Variants in DSC1 observed in about 807,000 individuals in gnomAD.
The protein encoded by DSC1 is desmocollin-1.
A neutral mutation model predicts 98.8 loss-of-function variants in DSC1; 79 were observed. That is an observed-to-expected ratio of 0.80 (90% CI 0.67 to 0.96). The LOEUF is 0.96. DSC1 is among the 50% of genes least tolerant of loss of function. DSC1 has a pLI of 0.00. For synonymous variants in DSC1, 405 were observed against 372.1 expected, an observed-to-expected ratio of 1.09 and a Z score of -1.02; for missense variants, 1,115 against 1,075.9, an observed-to-expected ratio of 1.04 and a Z score of -0.51.
rs1489342390 is a variant in DSC1 at position 31,132,699 on chromosome 18, A to G, written c.2117-10T>C. The G allele has an allele frequency of 1.9e-6, 3 of 1,605,902 alleles. No homozygotes were observed. Among genetic ancestry groups the G allele is most frequent in the Admixed American group, 3.4e-5 (2 of 59,048 alleles). ...CATGTAAACAGAATACCTAAAAAGCAAAAAAGATCAAAGTAAAACACAGAC... is the reference window on the plus strand; with the variant it reads ...CATGTAAACAGAATACCTAAAAAGCGAAAAAGATCAAAGTAAAACACAGAC... On this transcript the variant is annotated splice_polypyrimidine_tract_variant and intron_variant, in intron 13 of 15. Transcript: ENST00000257198.
intron 3 of DSC1, 54 bp from the exon 4 acceptor site, chr18:31,156,216 T>A: frequency 6.3e-7 from 1 of 1,586,994 alleles, no homozygotes; most frequent in South Asian, 1.2e-5. Context: ...TTTTTGGAAC[T>A]GTGATTATTT....
At position 31,139,894 on chromosome 18, in the gene DSC1, AT is replaced by A. The variant is rs1311118521; in HGVS notation, c.1521-5del. The A allele has an allele frequency of 1.3e-6, 2 of 1,592,946 alleles. No individual in the cohort carries two copies. The highest frequency in any genetic ancestry group is 1.1e-5 in the South Asian group (1 of 87,352). On this transcript the variant is annotated splice_region_variant and splice_polypyrimidine_tract_variant and intron_variant, in intron 10 of 15. Coordinates refer to ENST00000257198, the MANE Select transcript of DSC1 (RefSeq NM_024421.2). ...TTCATCCCCTAACTTCTGATACCTA[AT>A]TTTTAGAAATCAAATATGAACGGTC... is the stretch of plus-strand genomic sequence containing the variant.
rs1291138646 is a variant in DSC1 at position 31,139,781 on chromosome 18, G to T, written c.1630C>A (p.Gln544Lys). The change falls in exon 11 of 16, where the codon CAA (glutamine) becomes AAA (lysine). Residue 544 changes from glutamine to lysine, a missense_variant. Coordinates refer to ENST00000257198, the MANE Select transcript of DSC1 (RefSeq NM_024421.2). ...DRESKFVKNN[Q>K]YNISVVAVDA... is the part of the protein sequence containing the mutation. The stretch of plus-strand genomic sequence containing the variant: ...ACTGCAACAACTGAAATATTGTATT[G>T]GTTGTTTTTTACAAATTTGGATTCT... The T allele has an allele frequency of 6.2e-7, 1 of 1,609,846 alleles. No homozygotes were observed. The highest frequency in any genetic ancestry group is 2.2e-5 in the East Asian group (1 of 44,786).
At chr18:31,156,925 T>C (rs1453692761) in intron 3 of DSC1, among the ~76,000 whole-genome samples, 2 of 152,198 alleles carry the variant, frequency 1.3e-5, no homozygotes, top group Non-Finnish European at 2.9e-5. Context: ...TAGAATATTC[T>C]AGTAAGATGG....
chr18:31,144,916 AC>A (rs35119210), intron 7 of DSC1, among the ~76,000 whole-genome samples: 1 of 148,648 alleles, frequency 6.7e-6, no homozygotes, highest in South Asian at 2.1e-4. Context: ...GTATATGGGA[AC>A]CGTCTGTATT....
At chr18:31,133,298 C>T (rs1170236188) in intron 13 of DSC1, among the ~76,000 whole-genome samples, 1 of 151,898 alleles carries the variant, frequency 6.6e-6, no homozygotes. Flanking sequence ...CTTAATTAAG[C>T]GTGGGCAATA....
Position 31,142,199 on chromosome 18 carries a change from C to A in DSC1, c.1075-15G>T, listed in dbSNP as rs1257269754. The A allele has an allele frequency of 6.3e-7, 1 of 1,592,288 alleles. No homozygotes were observed. The highest frequency in any genetic ancestry group is 2.3e-5 in the East Asian group (1 of 44,228). The stretch of plus-strand genomic sequence containing the variant: ...TCTGTAACATACTGAAAGAATTGCC[C>A]CTTATTATTATCAATTTACAACTTT... On this transcript the variant is annotated splice_polypyrimidine_tract_variant and intron_variant, in intron 8 of 15. Coordinates refer to ENST00000257198, the MANE Select transcript of DSC1 (RefSeq NM_024421.2).
rs964629795 is a variant in DSC1, at chr18:31,129,646, T to A, written c.*868A>T. 6 of 152,198 alleles carry A rather than the reference T, an allele frequency of 3.9e-5. No individual in the cohort carries two copies. The highest frequency in any genetic ancestry group is 1.4e-4 in the African/African-American group (6 of 41,448). The allele number at this position is 152,198 out of a possible 1,614,324, so 9.4% of individuals were successfully genotyped here. On this transcript the variant is annotated 3_prime_UTR_variant, in exon 16 of 16. Transcript: ENST00000257198. ...GGCAACCACAGATAAGGCAGGCCTA[T>A]GTCAAACTCAAGAGTGAATGTTTTT... is the stretch of plus-strand genomic sequence containing the variant.
rs192069109 is a variant in DSC1, at chr18:31,143,646, G to A, written c.1074+11C>T. 6.4e-4 allele frequency: 1,001 copies of A among 1,562,576 alleles called. 10 individuals are homozygous for A. The Middle Eastern group carries it at 9.2e-3, about 14-fold the overall frequency. Reference sequence around the variant, plus strand: ...ATAAATCTAGATGAATGAATAGAGAGGTATACTCACAGAAGTTTCTGTGAA... The same window carrying A: ...ATAAATCTAGATGAATGAATAGAGAAGTATACTCACAGAAGTTTCTGTGAA... On this transcript the variant is annotated intron_variant, in intron 8 of 15. Transcript: ENST00000257198.
chr18:31,151,263 G>A (rs1988995898), intron 5 of DSC1, among the ~76,000 whole-genome samples: 1 of 152,080 alleles, frequency 6.6e-6, no homozygotes, highest in Non-Finnish European at 1.5e-5. Flanking sequence ...TCCTGGTTTT[G>A]TTTTATTGTG....
chr18:31,140,271 T>C lies in DSC1; in HGVS notation c.1291A>G (p.Ile431Val). The C allele has an allele frequency of 1.2e-6, 2 of 1,614,016 alleles. No homozygotes were observed. The highest frequency in any genetic ancestry group is 1.7e-6 in the Non-Finnish European group (2 of 1,179,900). Reference sequence around the variant, plus strand: ...TCGTTAATGACACCAACTTGCAAAATAACTTGGCGATTGACTTCATAGTTC... The same window carrying C: ...TCGTTAATGACACCAACTTGCAAAACAACTTGGCGATTGACTTCATAGTTC... ...PLNYEVNRQV[I>V]LQVGVINEAQ... Residue 431 changes from isoleucine to valine, a missense_variant, in exon 10 of 16, where the codon ATT becomes GTT. Transcript: ENST00000257198.
Position 31,134,751 on chromosome 18 carries a change from T to A in DSC1, c.1697A>T (p.His566Leu), listed in dbSNP as rs1198733817. The change falls in exon 12 of 16, where the codon CAT becomes CTT. Residue 566 changes from histidine to leucine, a missense_variant. Physicochemically the swap from His to Leu is moderately conservative, Grantham distance 99 (BLOSUM62 -3). Transcript: ENST00000257198. ...TGCGTGATCGTTGTAATCATCCAAATGAACTACTAATGTTCCAGTGCAAGA... is the reference window on the plus strand; with the variant it reads ...TGCGTGATCGTTGTAATCATCCAAAAGAACTACTAATGTTCCAGTGCAAGA... Reference protein sequence around the residue: ...GRSCTGTLVVHLDDYNDHAPQ... With the variant: ...GRSCTGTLVVLLDDYNDHAPQ... The A allele has an allele frequency of 2.5e-6, 4 of 1,612,898 alleles. No homozygotes were observed. The highest frequency in any genetic ancestry group is 3.4e-6 in the Non-Finnish European group (4 of 1,179,272).
chr18:31,154,835 T>C lies in DSC1; in HGVS notation c.566A>G (p.Lys189Arg), dbSNP rs1488622972. The C allele has an allele frequency of 1.2e-6, 2 of 1,613,980 alleles. No individual in the cohort carries two copies. Among genetic ancestry groups the C allele is most frequent in the Non-Finnish European group, 1.7e-6 (2 of 1,179,978 alleles). The change falls in exon 5 of 16, where the codon AAA becomes AGA. Residue 189 changes from lysine (K) to arginine (R), a missense_variant. Transcript: ENST00000257198. Reference sequence around the variant, plus strand: ...TGTACAAAAGATATCCCCAGTGTCTTTCTCTATGTAAAACAAATTGAAGGG... The same window carrying C: ...TGTACAAAAGATATCCCCAGTGTCTCTCTCTATGTAAAACAAATTGAAGGG... ...KEPFNLFYIEKDTGDIFCTRS... is the reference protein window; with the variant it reads ...KEPFNLFYIERDTGDIFCTRS...
intron 5 of DSC1, among the ~76,000 whole-genome samples, chr18:31,154,277 A>G (rs374461910): frequency 7.5e-4 from 39 of 52,202 alleles, no homozygotes; most frequent in African/African-American, 2.0e-3. Flanking sequence ...AAAGGGATGC[A>G]AAAAAAAAAA....
intron 5 of DSC1, 150 bp downstream of exon 5, chr18:31,154,624 G>T: frequency 1.4e-6 from 1 of 718,414 alleles, no homozygotes; most frequent in Non-Finnish European, 2.1e-6. Flanking sequence ...CATCAATGGT[G>T]AATAGAAATT....
rs1041470230 is a variant in DSC1, at chr18:31,134,518, A to G, written c.1876+54T>C. On this transcript the variant is annotated intron_variant, in intron 12 of 15. Transcript: ENST00000257198. ...TATTATGATAAACTAAGGTGAAAGAACCATCACCAATCTGAAGTCCGTATT... is the reference window on the plus strand; with the variant it reads ...TATTATGATAAACTAAGGTGAAAGAGCCATCACCAATCTGAAGTCCGTATT... The G allele has an allele frequency of 3.7e-6, 5 of 1,339,326 alleles. No homozygotes were observed. The African/African-American group carries it at 4.4e-5, about 12-fold the overall frequency. 83.0% of individuals were successfully genotyped at this position (1,339,326 alleles called of 1,614,324 possible).
rs1405479273 is a variant in DSC1 at position 31,162,695 on chromosome 18, G to C, written c.-101C>G. 9 of 994,080 alleles carry C rather than the reference G, an allele frequency of 9.1e-6. No homozygotes were observed. Among genetic ancestry groups the C allele is most frequent in the Admixed American group, 2.0e-5 (1 of 51,144 alleles). The allele number at this position is 994,080 out of a possible 1,614,324, so 61.6% of individuals were successfully genotyped here. ...CGCTGGCACTTGCACAGGGTATTCT[G>C]CTGCCACCTTGATGCAGCTGAGCTT... On this transcript the variant is annotated 5_prime_UTR_variant, in exon 1 of 16. Transcript: ENST00000257198.
chr18:31,156,005 A>C lies in DSC1; in HGVS notation c.471+38T>G, dbSNP rs376626977. The C allele has an allele frequency of 3.1e-6, 5 of 1,600,124 alleles. No homozygotes were observed. In the African/African-American group the frequency reaches 6.8e-5, roughly 22 times the overall value. ...AATGAAAAGTTTAAGAACAAAAAAA[A>C]ATTTGGACACATATAAAATCAAATA... is the stretch of plus-strand genomic sequence containing the variant. On this transcript the variant is annotated intron_variant, in intron 4 of 15. Coordinates refer to ENST00000257198, the MANE Select transcript of DSC1 (RefSeq NM_024421.2).
chr18:31,134,239 T>C, intron 12 of DSC1, 109 bp from the exon 13 acceptor site: 1 of 1,385,438 alleles, frequency 7.2e-7, no homozygotes, highest in Non-Finnish European at 9.6e-7. Flanking sequence ...AAAACTCGAA[T>C]TTTTCTTTTT....
Sources: gnomAD v4.1 joint callset for allele counts (sites outside exome capture counted in the v4.1 genomes callset) on GRCh38, gnomAD v4.1.1 for gene constraint, MANE v1.5 for transcripts, NCBI Gene and HGNC (gene_info 2026-07-23, HGNC 2026-07-21) for gene names.